NAALADL2: variants seen among roughly 807,000 people sequenced by gnomAD.
The protein encoded by NAALADL2 is N-acetylated alpha-linked acidic dipeptidase like 2.
In NAALADL2, 76 loss-of-function variants were observed where a neutral mutation model predicts 87.2. The observed-to-expected ratio is 0.87, with a 90% CI of 0.72 to 1.05. The LOEUF (loss-of-function observed/expected upper bound fraction) is 1.05. Ranked by LOEUF, NAALADL2 falls within the 50% of genes least tolerant of loss-of-function variation. The pLI, the probability that NAALADL2 is intolerant of heterozygous loss-of-function variation, is 0.00. For synonymous variants in NAALADL2, 354 were observed against 331.0 expected (o/e 1.07, Z -0.75); for missense variants, 1,089 against 945.8 (o/e 1.15, Z -1.99).
intron 1 of NAALADL2, among the ~76,000 whole-genome samples, chr3:174,528,933 A>C (rs1721003641): frequency 6.6e-6 from 1 of 152,090 alleles, no homozygotes; most frequent in African/African-American, 2.4e-5. Context: ...GACACAGTCA[A>C]ACCTTATCAT....
At chr3:175,784,273 G>A (rs1384944270) in intron 13 of NAALADL2, among the ~76,000 whole-genome samples, 1 of 152,060 alleles carries the variant, frequency 6.6e-6, no homozygotes, top group South Asian at 2.1e-4. Context: ...GTTTCAGAAG[G>A]AATGGTAGCA....
intron 4 of NAALADL2, among the ~76,000 whole-genome samples, chr3:175,287,854 T>C (rs897093945): frequency 1.3e-5 from 2 of 152,210 alleles, no homozygotes; most frequent in African/African-American, 4.8e-5. Context: ...TTCTACATCA[T>C]TGCAAGTGAA....
intron 1 of NAALADL2, among the ~76,000 whole-genome samples, chr3:175,094,021 T>C (rs1018044078): frequency 4.6e-5 from 7 of 151,922 alleles, no homozygotes; most frequent in Non-Finnish European, 1.0e-4. Context: ...TGACTTTGAA[T>C]GTTTGTATTA....
intron 9 of NAALADL2, among the ~76,000 whole-genome samples, chr3:175,510,593 T>C (rs1731024013): frequency 6.6e-6 from 1 of 152,212 alleles, no homozygotes; most frequent in African/African-American, 2.4e-5. Context: ...ATTTCCAAAG[T>C]CTTCCTTTAT....
intron 13 of NAALADL2, among the ~76,000 whole-genome samples, chr3:175,802,027 A>G (rs1754215455): frequency 6.6e-6 from 1 of 152,084 alleles, no homozygotes; most frequent in African/African-American, 2.4e-5. Flanking sequence ...ATTATTAACT[A>G]ATGGTCAACT....
rs1480073147 is a variant in NAALADL2 at position 175,657,062 on chromosome 3, T to G, written c.1896+29676T>G. On this transcript the variant is annotated intron_variant, in intron 11 of 13. Transcript: ENST00000454872. ...AAGAAAACTAAAGGATCTATATGGT[T>G]AAGTAATTTTGTTCAGGTTGCCCAA... is the stretch of plus-strand genomic sequence containing the variant. Among the ~76,000 whole-genome samples the G allele has an allele frequency of 1.3e-5, 2 of 152,170 alleles. 1 individual carries two copies. Among genetic ancestry groups the G allele is most frequent in the Non-Finnish European group, 2.9e-5 (2 of 68,026 alleles).
At chr3:175,276,838 C>G (rs2110054969) in intron 4 of NAALADL2, among the ~76,000 whole-genome samples, 1 of 152,106 alleles carries the variant, frequency 6.6e-6, no homozygotes, top group East Asian at 1.9e-4. Flanking sequence ...TGCAATCAAA[C>G]TAATTTGACT....
intron 13 of NAALADL2, among the ~76,000 whole-genome samples, chr3:175,758,317 G>A (rs902709766): frequency 6.6e-6 from 1 of 151,840 alleles, no homozygotes; most frequent in Non-Finnish European, 1.5e-5. Context: ...ATTGTGCTAA[G>A]CTATTACTAT....
chr3:174,919,215 TA>T (rs1734813645), intron 1 of NAALADL2, among the ~76,000 whole-genome samples: 1 of 152,086 alleles, frequency 6.6e-6, no homozygotes, highest in African/African-American at 2.4e-5. Flanking sequence ...GGCAATTTCT[TA>T]AAACAATAAA....
At chr3:175,605,454 A>G (rs751728628) in intron 10 of NAALADL2, among the ~76,000 whole-genome samples, 28 of 152,168 alleles carry the variant, frequency 1.8e-4, no homozygotes, top group Non-Finnish European at 3.7e-4. Flanking sequence ...GTATTTATGT[A>G]TAATGCAGAC....
chr3:175,295,775 C>A (rs4894708), intron 4 of NAALADL2, among the ~76,000 whole-genome samples: 69,249 of 150,630 alleles, frequency 0.46, 16,696 homozygotes, highest in Non-Finnish European at 0.53. Flanking sequence ...AGCACTCTCA[C>A]ACACCTTTCA....
At chr3:174,626,127 T>A (rs1429339907) in intron 2 of NAALADL2, among the ~76,000 whole-genome samples, 2 of 150,938 alleles carry the variant, frequency 1.3e-5, no homozygotes, top group African/African-American at 2.4e-5. Context: ...CCAAAATGGG[T>A]ATCATGCACT....
intron 1 of NAALADL2, among the ~76,000 whole-genome samples, chr3:174,451,606 T>C (rs1204072792): frequency 1.3e-5 from 2 of 152,154 alleles, no homozygotes; most frequent in African/African-American, 2.4e-5. Context: ...ACTGTTTGGT[T>C]AAAAAAGGAT....
intron 5 of NAALADL2, among the ~76,000 whole-genome samples, chr3:175,344,595 T>C (rs900615148): frequency 7.2e-5 from 11 of 152,086 alleles, no homozygotes; most frequent in African/African-American, 1.4e-4. Flanking sequence ...TATCTTGGTA[T>C]ATATTATTTA....
At chr3:175,683,280 G>A (rs913364708) in intron 11 of NAALADL2, among the ~76,000 whole-genome samples, 2 of 151,858 alleles carry the variant, frequency 1.3e-5, no homozygotes, top group Admixed American at 6.6e-5. Flanking sequence ...TGGTTCAATT[G>A]TATTTTTCCA....
rs376162391 is a variant in NAALADL2, at chr3:175,786,321, A to C, written c.2190-16684A>C. Reference sequence around the variant, plus strand: ...TTTCCAACTTGGTTCCATTCTCCCCATCACTTTCAGGTACACCAATGAGAT... The same window carrying C: ...TTTCCAACTTGGTTCCATTCTCCCCCTCACTTTCAGGTACACCAATGAGAT... On this transcript the variant is annotated intron_variant, in intron 13 of 13. Transcript: ENST00000454872. Among the ~76,000 whole-genome samples, 10 of 152,256 alleles carry C rather than the reference A, an allele frequency of 6.6e-5. No homozygotes were observed. The South Asian group carries it at 1.2e-3, about 19-fold the overall frequency.
chr3:175,523,897 AT>A (rs1432780511), intron 9 of NAALADL2, among the ~76,000 whole-genome samples: 17 of 152,370 alleles, frequency 1.1e-4, no homozygotes, highest in African/African-American at 3.8e-4. Context: ...ACATACTGAC[AT>A]ATTGATTCTT....
chr3:175,265,659 T>C (rs1751802130), intron 4 of NAALADL2, among the ~76,000 whole-genome samples: 1 of 151,542 alleles, frequency 6.6e-6, no homozygotes, highest in Admixed American at 6.6e-5. Context: ...ATTGGAAATT[T>C]AATATCTGTT....
At chr3:175,433,522 C>G (rs1282724629) in intron 5 of NAALADL2, among the ~76,000 whole-genome samples, 1 of 152,030 alleles carries the variant, frequency 6.6e-6, no homozygotes, top group Non-Finnish European at 1.5e-5. Context: ...AGCTTATTAA[C>G]AGGACCATTA....
Sources: allele counts gnomAD v4.1 joint callset (sites outside exome capture counted in the v4.1 genomes callset), GRCh38; gene constraint gnomAD v4.1.1; transcripts MANE v1.5; gene names NCBI Gene and HGNC (gene_info 2026-07-23, HGNC 2026-07-21).